MYO16: variants seen among roughly 807,000 people sequenced by gnomAD.
MYO16 encodes the protein unconventional myosin-XVI.
A neutral mutation model predicts 205.3 loss-of-function variants in MYO16; 94 were observed. The observed-to-expected ratio is 0.46, with a 90% confidence interval of 0.39 to 0.54. The LOEUF is 0.54. Ranked by LOEUF, MYO16 falls within the 20% of genes least tolerant of loss-of-function variation. The pLI is 0.00. For synonymous variants in MYO16, 988 were observed against 954.0 expected, an observed-to-expected ratio of 1.04 and a Z score of -0.66; for missense variants, 2,315 against 2,387.5, an observed-to-expected ratio of 0.97 and a Z score of 0.63.
intron 25 of MYO16, among the ~76,000 whole-genome samples, chr13:109,052,792 A>G (rs1887287440): frequency 6.6e-6 from 1 of 152,138 alleles, no homozygotes; most frequent in Admixed American, 6.6e-5. Context: ...CTGTAGGCTT[A>G]GAGGGAGTAA....
chr13:108,989,037 C>CA (rs1425977303), intron 20 of MYO16, among the ~76,000 whole-genome samples: 2 of 152,110 alleles, frequency 1.3e-5, no homozygotes, highest in African/African-American at 4.8e-5. Flanking sequence ...ATTTTCTCTA[C>CA]AAAATTAGAA....
the MYO16 span, among the ~76,000 whole-genome samples, chr13:108,521,504 G>A: frequency 6.6e-6 from 1 of 152,212 alleles, no homozygotes; most frequent in African/African-American, 2.4e-5. Context: ...TAGAGGGGAA[G>A]AGTCTTGTTT....
intron 33 of MYO16, among the ~76,000 whole-genome samples, chr13:109,179,199 G>GCC (rs1879349158): frequency 6.6e-6 from 1 of 152,114 alleles, no homozygotes. Context: ...GACTCAGTGG[G>GCC]CCCGTCACTG....
At chr13:108,877,488 G>T (rs762396858) in intron 12 of MYO16, among the ~76,000 whole-genome samples, 1 of 152,198 alleles carries the variant, frequency 6.6e-6, no homozygotes, top group Non-Finnish European at 1.5e-5. Context: ...ATGAGTGAGT[G>T]CCTGTGAGGT....
At chr13:108,534,440 G>A in the MYO16 span, among the ~76,000 whole-genome samples, 1 of 152,016 alleles carries the variant, frequency 6.6e-6, no homozygotes, top group African/African-American at 2.4e-5. Flanking sequence ...CTTAGGTTTG[G>A]TAGACACAGC....
At chr13:108,612,277 C>A (rs1397794312) in intron 1 of MYO16, among the ~76,000 whole-genome samples, 1 of 151,628 alleles carries the variant, frequency 6.6e-6, no homozygotes, top group Non-Finnish European at 1.5e-5. Flanking sequence ...GGAAAGGAAT[C>A]CTTAACAAGG....
At chr13:108,877,496 G>T (rs1879382008) in intron 12 of MYO16, among the ~76,000 whole-genome samples, 1 of 152,210 alleles carries the variant, frequency 6.6e-6, no homozygotes, top group Non-Finnish European at 1.5e-5. Context: ...GTGCCTGTGA[G>T]GTGCTGAGGA....
intron 2 of MYO16, among the ~76,000 whole-genome samples, chr13:108,686,127 G>C (rs570518674): frequency 6.6e-6 from 1 of 152,308 alleles, no homozygotes; most frequent in East Asian, 1.9e-4. Context: ...AGGCTGAGGG[G>C]TAGTCCTCAT....
intron 4 of MYO16, among the ~76,000 whole-genome samples, chr13:108,760,760 G>T (rs1448728213): frequency 6.6e-6 from 1 of 152,128 alleles, no homozygotes; most frequent in Non-Finnish European, 1.5e-5. Context: ...GAGGAAGGAG[G>T]AGGTGGCATG....
chr13:108,888,937 C>G (rs965155373), intron 14 of MYO16, among the ~76,000 whole-genome samples: 3 of 152,026 alleles, frequency 2.0e-5, no homozygotes, highest in Admixed American at 1.3e-4. Context: ...TGCCTGTAAT[C>G]CCAGCTACTC....
intron 4 of MYO16, among the ~76,000 whole-genome samples, chr13:108,760,926 G>C (rs1885585662): frequency 6.6e-6 from 1 of 152,096 alleles, no homozygotes; most frequent in African/African-American, 2.4e-5. Context: ...GTCTTTCTGT[G>C]TCTGGCTTAT....
At chr13:108,818,108 G>T (rs1367404127) in intron 7 of MYO16, among the ~76,000 whole-genome samples, 2 of 152,078 alleles carry the variant, frequency 1.3e-5, no homozygotes, top group African/African-American at 4.8e-5. Context: ...AACAGGCCAG[G>T]CTCGGTGGCT....
chr13:108,674,833 T>A (rs1882133769), intron 2 of MYO16, among the ~76,000 whole-genome samples: 3 of 152,198 alleles, frequency 2.0e-5, no homozygotes, highest in Admixed American at 2.0e-4. Flanking sequence ...TCTCCTATAT[T>A]AGATACTTCG....
intron 2 of MYO16, among the ~76,000 whole-genome samples, chr13:108,678,614 A>C (rs1882330590): frequency 6.6e-6 from 1 of 152,134 alleles, no homozygotes; most frequent in African/African-American, 2.4e-5. Flanking sequence ...AGACCTTGTC[A>C]TATTCATCTA....
chr13:108,939,534 C>G (rs1882634503), intron 16 of MYO16, among the ~76,000 whole-genome samples: 1 of 152,086 alleles, frequency 6.6e-6, no homozygotes, highest in South Asian at 2.1e-4. Context: ...TTGGGTTGAT[C>G]CTTCTGTACT....
At chr13:109,058,055 C>A (rs933191396) in intron 27 of MYO16, among the ~76,000 whole-genome samples, 2 of 152,120 alleles carry the variant, frequency 1.3e-5, no homozygotes, top group Non-Finnish European at 2.9e-5. Context: ...GATTCCTGGG[C>A]TCCCCACCCC....
chr13:108,691,682 G>C (rs1184613644), intron 2 of MYO16, among the ~76,000 whole-genome samples: 1 of 152,046 alleles, frequency 6.6e-6, no homozygotes, highest in African/African-American at 2.4e-5. Flanking sequence ...TGTAAAATAA[G>C]GATTCACTTC....
intron 22 of MYO16, among the ~76,000 whole-genome samples, chr13:109,016,348 TC>T (rs2139503433): frequency 1.3e-5 from 2 of 152,336 alleles, no homozygotes; most frequent in Admixed American, 6.5e-5. Flanking sequence ...TGATTACTGT[TC>T]TTTTACATTT....
chr13:108,997,139 A>C (rs1885028774), intron 21 of MYO16, among the ~76,000 whole-genome samples: 1 of 151,774 alleles, frequency 6.6e-6, no homozygotes, highest in African/African-American at 2.4e-5. Flanking sequence ...AAAAATACAA[A>C]AATTACCCAC....
Sources: gnomAD v4.1 joint callset for allele counts (sites outside exome capture counted in the v4.1 genomes callset) on GRCh38, gnomAD v4.1.1 for gene constraint, MANE v1.5 for transcripts, NCBI Gene and HGNC (gene_info 2026-07-23, HGNC 2026-07-21) for gene names.